ABL1: variants seen among roughly 807,000 people sequenced by gnomAD.
ABL1 encodes the protein ABL proto-oncogene 1, non-receptor tyrosine kinase, also known as tyrosine-protein kinase ABL1.
A neutral mutation model predicts 94.7 loss-of-function variants in ABL1; 11 were observed. That is an observed-to-expected ratio of 0.12 (90% CI 0.07 to 0.19). The LOEUF (loss-of-function observed/expected upper bound fraction) is 0.19, where lower values mean the gene tolerates loss of function less well. Among genes scored for constraint, ABL1 ranks in the 10% least tolerant of loss-of-function variants. The pLI is 1.00. For missense variants in ABL1, 1,082 were observed against 1,489.4 expected (o/e 0.73, Z 4.50); for synonymous variants, 656 against 622.4 (o/e 1.05, Z -0.80).
At chr9:130,821,787 C>G (rs147115573) in intron 1 of ABL1, among the ~76,000 whole-genome samples, 1 of 151,292 alleles carries the variant, frequency 6.6e-6, no homozygotes, top group Non-Finnish European at 1.5e-5. Flanking sequence ...CTCAGCCTCC[C>G]GGGTAGCTGG....
intron 1 of ABL1, among the ~76,000 whole-genome samples, chr9:130,790,463 T>C (rs1829893729): frequency 7.0e-6 from 1 of 143,702 alleles, no homozygotes. Flanking sequence ...CTTTCATTTT[T>C]ATTTTATTTA....
At chr9:130,855,801 C>T (rs180873953) in intron 3 of ABL1, among the ~76,000 whole-genome samples, 8 of 152,292 alleles carry the variant, frequency 5.3e-5, no homozygotes, top group African/African-American at 4.8e-5. Context: ...AGATCTTGCC[C>T]GATGTCAACC....
At chr9:130,779,784 A>G (rs893323266) in intron 1 of ABL1, among the ~76,000 whole-genome samples, 4 of 152,178 alleles carry the variant, frequency 2.6e-5, no homozygotes. Flanking sequence ...TTAGGTAGCT[A>G]TTATCTTGGT....
intron 1 of ABL1, among the ~76,000 whole-genome samples, chr9:130,799,459 G>A (rs1048507116): frequency 2.0e-5 from 3 of 152,110 alleles, no homozygotes; most frequent in African/African-American, 7.2e-5. Context: ...TACTTCTAAG[G>A]GGTAGACATA....
chr9:130,715,221 A>T (rs1317892866), intron 1 of ABL1, among the ~76,000 whole-genome samples: 1 of 152,224 alleles, frequency 6.6e-6, no homozygotes, highest in African/African-American at 2.4e-5. Context: ...TTCTGTGCGA[A>T]GTTAAAGCTA....
chr9:130,850,797 G>A (rs543452808), intron 1 of ABL1, among the ~76,000 whole-genome samples: 10 of 152,288 alleles, frequency 6.6e-5, no homozygotes, highest in African/African-American at 1.7e-4. Flanking sequence ...ATGAGCCACC[G>A]CACCCAGCCC....
At chr9:130,801,997 A>G (rs1359545489) in intron 1 of ABL1, among the ~76,000 whole-genome samples, 7 of 149,570 alleles carry the variant, frequency 4.7e-5, no homozygotes, top group Admixed American at 2.7e-4. Context: ...TTTCTACCCC[A>G]TTCTCCCTGT....
intron 1 of ABL1, among the ~76,000 whole-genome samples, chr9:130,843,084 C>T (rs1011954928): frequency 3.9e-5 from 6 of 152,180 alleles, no homozygotes; most frequent in Non-Finnish European, 5.9e-5. Context: ...TATTGCTGCT[C>T]TTATTACAGG....
At chr9:130,828,043 A>G (rs1160234518) in intron 1 of ABL1, among the ~76,000 whole-genome samples, 2 of 151,822 alleles carry the variant, frequency 1.3e-5, no homozygotes, top group Admixed American at 6.6e-5. Context: ...TTTAAAAACA[A>G]TAACAATCAG....
At chr9:130,873,080 C>T (rs778933546) in intron 6 of ABL1, 43 bp downstream of exon 6, 44 of 1,585,290 alleles carry the variant, frequency 2.8e-5, no homozygotes, top group Middle Eastern at 2.1e-4. Context: ...AGTCACAGGG[C>T]GTGGAGCCGG....
At chr9:130,866,629 T>C (rs1831162068) in intron 4 of ABL1, among the ~76,000 whole-genome samples, 1 of 152,116 alleles carries the variant, frequency 6.6e-6, no homozygotes, top group Non-Finnish European at 1.5e-5. Context: ...GGGTCATTCA[T>C]ATACCTTCCA....
intron 1 of ABL1, among the ~76,000 whole-genome samples, chr9:130,784,121 A>C (rs1357992911): frequency 2.6e-5 from 4 of 152,074 alleles, no homozygotes; most frequent in Admixed American, 6.6e-5. Flanking sequence ...TTTTAAAAAA[A>C]ATCTCTAAAA....
intron 1 of ABL1, among the ~76,000 whole-genome samples, chr9:130,825,000 G>T (rs1033303248): frequency 6.6e-6 from 1 of 152,148 alleles, no homozygotes; most frequent in African/African-American, 2.4e-5. Flanking sequence ...AAAACAAATT[G>T]GTACTGAATG....
At chr9:130,733,822 CTT>C (rs1031735279) in intron 1 of ABL1, among the ~76,000 whole-genome samples, 21 of 152,046 alleles carry the variant, frequency 1.4e-4, no homozygotes, top group Admixed American at 2.6e-4. Flanking sequence ...GATCTCCTGA[CTT>C]TGTGATCCGC....
intron 10 of ABL1, among the ~76,000 whole-genome samples, chr9:130,883,389 T>G (rs557419106): frequency 8.6e-5 from 13 of 151,342 alleles, no homozygotes; most frequent in African/African-American, 3.2e-4. Context: ...CCTAGCTACT[T>G]GGGAGGCTGA....
At chr9:130,826,396 C>T (rs760641494) in intron 1 of ABL1, among the ~76,000 whole-genome samples, 5 of 152,058 alleles carry the variant, frequency 3.3e-5, no homozygotes, top group Admixed American at 6.5e-5. Context: ...GCTGGGATTA[C>T]AGGCATGAGC....
intron 1 of ABL1, among the ~76,000 whole-genome samples, chr9:130,800,066 G>T (rs541537309): frequency 6.6e-6 from 1 of 151,782 alleles, no homozygotes; most frequent in African/African-American, 2.4e-5. Context: ...GAGAGACGGG[G>T]TTTCACCATC....
intron 6 of ABL1, 74 bp downstream of exon 6, chr9:130,873,111 C>A: frequency 1.3e-6 from 2 of 1,504,352 alleles, no homozygotes; most frequent in Non-Finnish European, 9.0e-7. Context: ...ACAAAAAGCC[C>A]CAGCCTAGGA....
chr9:130,805,254 G>A (rs1334914010), intron 1 of ABL1, among the ~76,000 whole-genome samples: 2 of 151,964 alleles, frequency 1.3e-5, no homozygotes, highest in African/African-American at 2.4e-5. Flanking sequence ...TTTGTTTTGT[G>A]TTTTTAGTAG....
Sources: allele counts gnomAD v4.1 joint callset (sites outside exome capture counted in the v4.1 genomes callset), GRCh38; gene constraint gnomAD v4.1.1; transcripts MANE v1.5; gene names NCBI Gene and HGNC (gene_info 2026-07-23, HGNC 2026-07-21).